CCAR1: variants seen among roughly 807,000 people sequenced by gnomAD.
The protein encoded by CCAR1 is cell division cycle and apoptosis regulator 1, also known as cell division cycle and apoptosis regulator protein 1.
In CCAR1, 78 loss-of-function variants were observed where a neutral mutation model predicts 163.8. That is an observed-to-expected ratio of 0.48 (90% CI 0.40 to 0.57). The LOEUF is 0.57. Ranked by LOEUF, CCAR1 falls within the 20% of genes least tolerant of loss-of-function variation. CCAR1 has a pLI of 0.00. For synonymous variants in CCAR1, 443 were observed against 460.7 expected (o/e 0.96, Z 0.49); for missense variants, 1,019 against 1,365.2 (o/e 0.75, Z 4.00).
chr10:68,788,452 C>A, intron 23 of CCAR1, 124 bp downstream of exon 23: 1 of 537,000 alleles, frequency 1.9e-6, no homozygotes, highest in Non-Finnish European at 2.9e-6. Flanking sequence ...CAGATATTTT[C>A]ATCGAAGTAC....
chr10:68,758,112 T>G (rs1316306673), intron 15 of CCAR1, among the ~76,000 whole-genome samples: 1 of 152,082 alleles, frequency 6.6e-6, no homozygotes, highest in Non-Finnish European at 1.5e-5. Flanking sequence ...TGGAGTGCAG[T>G]GGAATGATCT....
Position 68,788,227 on chromosome 10 carries a change from G to A in CCAR1, c.3086G>A (p.Gly1029Asp). The change falls in exon 23 of 25, where the codon GGT (glycine) becomes GAT (aspartate). Residue 1029 changes from glycine (G) to aspartate (D), a missense_variant. Gly to Asp is a moderately conservative substitution (Grantham distance 94). Transcript: ENST00000265872. ...EENVGLIVYN[G>D]AMVDVGSLLQ... is the part of the protein sequence containing the mutation. ...AATGTTGGCCTCATTGTGTACAATGGTGCAATGGTAGATGTAGGAAGCCTC... is the reference window on the plus strand; with the variant it reads ...AATGTTGGCCTCATTGTGTACAATGATGCAATGGTAGATGTAGGAAGCCTC... 1 of 1,604,720 alleles carries A rather than the reference G, an allele frequency of 6.2e-7. No homozygotes were observed. Among genetic ancestry groups the A allele is most frequent in the Non-Finnish European group, 8.5e-7 (1 of 1,176,382 alleles).
chr10:68,742,065 T>C (rs1485959878), intron 5 of CCAR1, among the ~76,000 whole-genome samples: 1 of 152,212 alleles, frequency 6.6e-6, no homozygotes, highest in African/African-American at 2.4e-5. Context: ...TAAAGAAATT[T>C]CATGAGAAAA....
At chr10:68,775,997 AT>A (rs2056661969) in intron 19 of CCAR1, among the ~76,000 whole-genome samples, 1 of 150,824 alleles carries the variant, frequency 6.6e-6, no homozygotes, top group South Asian at 2.1e-4. Flanking sequence ...GCCCAGCCTA[AT>A]TTTTGTATTT....
chr10:68,789,759 C>A lies in CCAR1; in HGVS notation c.3237C>A (p.Leu1079=). 6.2e-7 allele frequency: 1 copy of A among 1,600,828 alleles called. No homozygotes were observed. Among genetic ancestry groups the A allele is most frequent in the South Asian group, 1.2e-5 (1 of 86,702 alleles). The stretch of plus-strand genomic sequence containing the variant: ...ATTTGGAGAATTCCAACAAAAGCCT[C>A]TCTGGTGAACTCAGAGAAGTTAAAA... The part of the protein sequence containing the change: ...ILNLENSNKS[L]SGELREVKKD... The change falls in exon 24 of 25, where the codon CTC becomes CTA. Residue 1079 remains leucine, a synonymous_variant. Transcript: ENST00000265872.
At chr10:68,773,212 G>C (rs2056624527) in intron 19 of CCAR1, 113 bp downstream of exon 19, 2 of 593,272 alleles carry the variant, frequency 3.4e-6, no homozygotes, top group Non-Finnish European at 5.9e-6. Flanking sequence ...AGAATAGAAA[G>C]AGTAATATAC....
intron 19 of CCAR1, among the ~76,000 whole-genome samples, chr10:68,780,642 C>T (rs1053899245): frequency 6.6e-6 from 1 of 152,178 alleles, no homozygotes; most frequent in Non-Finnish European, 1.5e-5. Flanking sequence ...GCCAAGCAAG[C>T]CTATCAGCAC....
In CCAR1 at chr10:68,733,286, C is replaced by T. The variant is rs141215210; in HGVS notation, c.74-3590C>T. 7.5e-3 allele frequency among the ~76,000 whole-genome samples: 1,141 copies of T among 152,006 alleles called. 11 individuals are homozygous for T. The highest frequency in any genetic ancestry group is 0.026 in the African/African-American group (1,063 of 41,472). ...ATTAGTCAGGCATGGTGGAATGTGC[C>T]TGTAGTCCTAGCTACTCTGGAGGCT... is the stretch of plus-strand genomic sequence containing the variant. On this transcript the variant is annotated intron_variant, in intron 2 of 24. Transcript: ENST00000265872.
At chr10:68,786,466 C>T (rs36124907) in intron 20 of CCAR1, 80 bp from the exon 21 acceptor site, 115,139 of 961,802 alleles carry the variant, frequency 0.12, 7,542 homozygotes, top group South Asian at 0.15. Context: ...CTATCTTATG[C>T]ACAGTCTCCG....
chr10:68,771,673 T>A (rs566834824), intron 18 of CCAR1, among the ~76,000 whole-genome samples: 1 of 151,810 alleles, frequency 6.6e-6, no homozygotes, highest in Non-Finnish European at 1.5e-5. Context: ...GTCCTAGCTA[T>A]TGGGGAGGCA....
Position 68,773,086 on chromosome 10 carries a change from G to A in CCAR1, c.2637G>A (p.Glu879=). ...EYDPMEAEEA[E]DEEDDRDEEE... ...ACCCTATGGAAGCAGAAGAAGCTGA[G>A]GATGAAGAAGATGGTATGATTGAAA... The change falls in exon 19 of 25, where the codon GAG becomes GAA. Residue 879 remains glutamate (E), a synonymous_variant. Transcript: ENST00000265872. 2 of 1,519,398 alleles carry A rather than the reference G, an allele frequency of 1.3e-6. No individual in the cohort carries two copies. The highest frequency in any genetic ancestry group is 1.8e-6 in the Non-Finnish European group (2 of 1,114,620). The allele number at this position is 1,519,398 out of a possible 1,614,324, so 94.1% of individuals were successfully genotyped here.
intron 12 of CCAR1, chr10:68,755,048 A>G (rs1348483878): frequency 6.7e-6 from 4 of 594,278 alleles, no homozygotes; most frequent in Non-Finnish European, 1.2e-5. Flanking sequence ...TTGATGTTTT[A>G]TATTTGTAAC....
At chr10:68,750,261 G>C (rs548564521) in intron 10 of CCAR1, among the ~76,000 whole-genome samples, 33 of 143,332 alleles carry the variant, frequency 2.3e-4, no homozygotes, top group African/African-American at 7.9e-4. Context: ...TTTCACCCAG[G>C]TTGGAGTGCA....
intron 10 of CCAR1, among the ~76,000 whole-genome samples, chr10:68,750,091 A>G (rs1188425160): frequency 1.3e-5 from 2 of 152,198 alleles, no homozygotes; most frequent in Non-Finnish European, 2.9e-5. Context: ...TGATATGCGT[A>G]TATACTCACA....
intron 15 of CCAR1, among the ~76,000 whole-genome samples, chr10:68,758,665 ATATATACACACGTGTATATATATATTT>A (rs2056430279): frequency 4.6e-4 from 4 of 8,606 alleles, no homozygotes; most frequent in African/African-American, 8.0e-4. Flanking sequence ...ATATATATGT[ATATATACACACGTGTATATATATATTT>A]TTTTTTTTGA....
At chr10:68,768,727 T>A (rs2056565039) in intron 17 of CCAR1, among the ~76,000 whole-genome samples, 1 of 152,112 alleles carries the variant, frequency 6.6e-6, no homozygotes, top group Non-Finnish European at 1.5e-5. Flanking sequence ...TACGGCACTT[T>A]GAGGGGCTGA....
chr10:68,727,956 A>G (rs890898018), intron 2 of CCAR1, among the ~76,000 whole-genome samples: 5 of 152,254 alleles, frequency 3.3e-5, no homozygotes, highest in African/African-American at 9.6e-5. Context: ...CTCCTGCCTC[A>G]GCCTCCTGAA....
chr10:68,730,205 C>T (rs1782346), intron 2 of CCAR1, among the ~76,000 whole-genome samples: 1 of 151,940 alleles, frequency 6.6e-6, no homozygotes, highest in Non-Finnish European at 1.5e-5. Context: ...CAGGCGTGAG[C>T]TGCTGCGCCC....
intron 2 of CCAR1, among the ~76,000 whole-genome samples, chr10:68,733,800 A>ATGACAGGC (rs1260603065): frequency 6.6e-6 from 1 of 151,944 alleles, no homozygotes; most frequent in African/African-American, 2.4e-5. Context: ...AATAGCTGGG[A>ATGACAGGC]TGACAGGCTC....
Sources: gnomAD v4.1 joint callset for allele counts (sites outside exome capture counted in the v4.1 genomes callset) on GRCh38, gnomAD v4.1.1 for gene constraint, MANE v1.5 for transcripts, NCBI Gene and HGNC (gene_info 2026-07-23, HGNC 2026-07-21) for gene names.